Variants in SHISAL2B observed in about 807,000 individuals in gnomAD.
SHISAL2B encodes shisa like 2B, also known as protein shisa-like-2B.
SHISAL2B carries 12 observed loss-of-function variants against 16.5 expected under a neutral mutation model. The observed-to-expected ratio is 0.73, with a 90% confidence interval of 0.47 to 1.18. SHISAL2B has a LOEUF of 1.18. Ranked by LOEUF, SHISAL2B falls within the 50% of genes most tolerant of loss-of-function variation. The probability of loss-of-function intolerance (pLI) is 0.00; values close to 1 mark genes in which losing one functional copy is unlikely to be tolerated. For missense variants in SHISAL2B, 183 were observed against 193.6 expected (o/e 0.95, Z 0.33); for synonymous variants, 72 against 75.0 (o/e 0.96, Z 0.21).
intron 2 of SHISAL2B, 105 bp from the exon 3 acceptor site, chr5:64,717,784 C>T (rs1742077778): frequency 2.0e-6 from 2 of 985,962 alleles, no homozygotes; most frequent in South Asian, 1.6e-5. Context: ...ATTTTCAGGA[C>T]ATCATATTTT....
chr5:64,705,349 T>C (rs7702945), intron 2 of SHISAL2B, among the ~76,000 whole-genome samples: 89 of 152,260 alleles, frequency 5.8e-4, no homozygotes, highest in African/African-American at 1.9e-3. Context: ...TTCCTTAGTT[T>C]ATTTCCCATT....
chr5:64,699,008 C>T (rs1450719762), intron 2 of SHISAL2B, among the ~76,000 whole-genome samples: 1 of 152,172 alleles, frequency 6.6e-6, no homozygotes, highest in Non-Finnish European at 1.5e-5. Flanking sequence ...AATTTTATTT[C>T]ATATTGACTT....
At chr5:64,696,159 G>A (rs1487199468) in intron 2 of SHISAL2B, among the ~76,000 whole-genome samples, 3 of 152,062 alleles carry the variant, frequency 2.0e-5, no homozygotes, top group Non-Finnish European at 4.4e-5. Context: ...TGCAACCTCT[G>A]AACATAAATT....
chr5:64,698,888 A>G (rs1741771988), intron 2 of SHISAL2B, among the ~76,000 whole-genome samples: 1 of 152,218 alleles, frequency 6.6e-6, no homozygotes, highest in East Asian at 1.9e-4. Flanking sequence ...TTGGCAAAAT[A>G]TTGTCACTGT....
chr5:64,691,796 C>T (rs902601128), intron 1 of SHISAL2B, among the ~76,000 whole-genome samples: 4 of 152,100 alleles, frequency 2.6e-5, no homozygotes, highest in African/African-American at 9.7e-5. Context: ...GGAACGAGCT[C>T]CCACCTTAAA....
At chr5:64,706,086 G>A (rs1051018075) in intron 2 of SHISAL2B, among the ~76,000 whole-genome samples, 1 of 152,194 alleles carries the variant, frequency 6.6e-6, no homozygotes, top group African/African-American at 2.4e-5. Context: ...CTTGAACCCA[G>A]GAGGTAGAGG....
At chr5:64,699,313 G>A (rs1741777680) in intron 2 of SHISAL2B, among the ~76,000 whole-genome samples, 1 of 152,196 alleles carries the variant, frequency 6.6e-6, no homozygotes, top group Non-Finnish European at 1.5e-5. Context: ...ATATAGTGGA[G>A]AGCCCAAAAT....
chr5:64,690,571 C>A lies in SHISAL2B; in HGVS notation c.-53C>A, dbSNP rs1741616415. 1.4e-6 allele frequency: 2 copies of A among 1,386,568 alleles called. No individual in the cohort carries two copies. The allele number at this position is 1,386,568 out of a possible 1,614,324, so 85.9% of individuals were successfully genotyped here. A position where few individuals can be genotyped will look rare whatever the true frequency, so the allele number is the denominator to read the frequency against. ...GGGCTCTGGAGGTGCTGGACGGGTG[C>A]GATCCGAGAGCAGACCGGGGCCCTC... On this transcript the variant is annotated 5_prime_UTR_variant, in exon 1 of 3. Coordinates refer to ENST00000389074, the MANE Select transcript of SHISAL2B (RefSeq NM_001164442.2).
At chr5:64,709,031 TC>T (rs146232085) in intron 2 of SHISAL2B, among the ~76,000 whole-genome samples, 8 of 151,584 alleles carry the variant, frequency 5.3e-5, no homozygotes, top group South Asian at 2.1e-4. Flanking sequence ...GAGACATCTT[TC>T]TTTTTTTTTT....
chr5:64,709,025 C>A (rs1741912984), intron 2 of SHISAL2B, among the ~76,000 whole-genome samples: 1 of 150,950 alleles, frequency 6.6e-6, no homozygotes, highest in Non-Finnish European at 1.5e-5. Context: ...TGCAGTGAGA[C>A]ATCTTTCTTT....
chr5:64,692,195 T>C (rs948217010), intron 1 of SHISAL2B, among the ~76,000 whole-genome samples: 6 of 152,220 alleles, frequency 3.9e-5, no homozygotes, highest in Non-Finnish European at 5.9e-5. Flanking sequence ...CTCTGGGTCA[T>C]TGGAGGCGTT....
chr5:64,691,140 C>T (rs1415887715), intron 1 of SHISAL2B: 1 of 297,670 alleles, frequency 3.4e-6, no homozygotes, highest in African/African-American at 2.2e-5. Flanking sequence ...ACTGCTCTCC[C>T]CTCGCCGGGA....
chr5:64,691,804 A>G (rs1003712048), intron 1 of SHISAL2B, among the ~76,000 whole-genome samples: 1 of 152,176 alleles, frequency 6.6e-6, no homozygotes, highest in Non-Finnish European at 1.5e-5. Context: ...CTCCCACCTT[A>G]AATTGTTTTG....
At chr5:64,694,102 G>A (rs1316756207) in intron 1 of SHISAL2B, 1 of 455,658 alleles carries the variant, frequency 2.2e-6, no homozygotes. Context: ...ACTTGTCAGT[G>A]TCCTAATCCC....
In SHISAL2B at chr5:64,690,579, G is replaced by T; in HGVS notation, c.-45G>T. 1 of 1,419,882 alleles carries T rather than the reference G, an allele frequency of 7.0e-7. No homozygotes were observed. The highest frequency in any genetic ancestry group is 1.5e-5 in the South Asian group (1 of 68,520). The allele number at this position is 1,419,882 out of a possible 1,614,324, so 88.0% of individuals were successfully genotyped here. A position where few individuals can be genotyped will look rare whatever the true frequency, so the allele number is the denominator to read the frequency against. On this transcript the variant is annotated 5_prime_UTR_variant, in exon 1 of 3. Coordinates refer to ENST00000389074, the MANE Select transcript of SHISAL2B (RefSeq NM_001164442.2). ...GAGGTGCTGGACGGGTGCGATCCGAGAGCAGACCGGGGCCCTCGCGAGCCT... is the reference window on the plus strand; with the variant it reads ...GAGGTGCTGGACGGGTGCGATCCGATAGCAGACCGGGGCCCTCGCGAGCCT...
At chr5:64,703,553 C>A (rs189117937) in intron 2 of SHISAL2B, among the ~76,000 whole-genome samples, 37 of 152,264 alleles carry the variant, frequency 2.4e-4, no homozygotes, top group African/African-American at 8.2e-4. Context: ...TCAGGCAATC[C>A]TCAGTCATGT....
At chr5:64,709,906 G>C (rs976405984) in intron 2 of SHISAL2B, among the ~76,000 whole-genome samples, 8,700 of 151,514 alleles carry the variant, frequency 0.057, 844 homozygotes, top group African/African-American at 0.2. Context: ...TTGTAAATTT[G>C]TTTGAGTTCA....
intron 2 of SHISAL2B, among the ~76,000 whole-genome samples, chr5:64,699,479 A>C (rs548133730): frequency 5.0e-4 from 76 of 152,240 alleles, no homozygotes; most frequent in Admixed American, 8.5e-4. Flanking sequence ...CCAGTGTTCT[A>C]GCTATTGAGA....
chr5:64,714,585 G>T (rs1431280014), intron 2 of SHISAL2B, among the ~76,000 whole-genome samples: 2 of 152,208 alleles, frequency 1.3e-5, no homozygotes, highest in African/African-American at 4.8e-5. Flanking sequence ...GAGCTTCCCG[G>T]CTGCTTTGTT....
Sources: gnomAD v4.1 joint callset for allele counts (sites outside exome capture counted in the v4.1 genomes callset) on GRCh38, gnomAD v4.1.1 for gene constraint, MANE v1.5 for transcripts, NCBI Gene and HGNC (gene_info 2026-07-23, HGNC 2026-07-21) for gene names.